Variants in ROBO1 observed in about 807,000 individuals in gnomAD.
ROBO1 encodes roundabout guidance receptor 1.
ROBO1 carries 149 observed loss-of-function variants against 195.9 expected under a neutral mutation model. That is an observed-to-expected ratio of 0.76 (90% confidence interval 0.67 to 0.87). ROBO1 has a LOEUF of 0.87. ROBO1 is among the 40% of genes least tolerant of loss of function. The probability of loss-of-function intolerance (pLI) is 0.00; values close to 1 mark genes in which losing one functional copy is unlikely to be tolerated. For missense variants in ROBO1, 1,933 were observed against 2,068.3 expected (o/e 0.93, Z 1.27); for synonymous variants, 816 against 733.2 (o/e 1.11, Z -1.82).
chr3:79,440,904 A>G (rs896763639), intron 2 of ROBO1, among the ~76,000 whole-genome samples: 18 of 152,082 alleles, frequency 1.2e-4, no homozygotes, highest in African/African-American at 4.1e-4. Context: ...TCTCTATTCT[A>G]TTTTCATAGA....
chr3:79,587,729 C>T (rs73849628), intron 2 of ROBO1, among the ~76,000 whole-genome samples: 3,727 of 151,666 alleles, frequency 0.025, 104 homozygotes, highest in African/African-American at 0.07. Flanking sequence ...AATGAACATA[C>T]TAAAGCTAGA....
chr3:79,564,738 G>T (rs1335637010), intron 2 of ROBO1, among the ~76,000 whole-genome samples: 1 of 151,912 alleles, frequency 6.6e-6, no homozygotes, highest in African/African-American at 2.4e-5. Flanking sequence ...AAAATATATT[G>T]TCAATGGCTT....
intron 3 of ROBO1, among the ~76,000 whole-genome samples, chr3:79,124,843 A>G (rs988018368): frequency 6.6e-6 from 1 of 152,212 alleles, no homozygotes; most frequent in African/African-American, 2.4e-5. Context: ...ATATATTTCC[A>G]GGGTGATCAT....
At chr3:78,943,191 G>A (rs1310133572) in intron 3 of ROBO1, among the ~76,000 whole-genome samples, 1 of 152,182 alleles carries the variant, frequency 6.6e-6, no homozygotes, top group Non-Finnish European at 1.5e-5. Context: ...ACTCCAGCCT[G>A]GGCGACAGAG....
At chr3:79,416,377 G>C (rs1375034899) in intron 2 of ROBO1, among the ~76,000 whole-genome samples, 1 of 151,416 alleles carries the variant, frequency 6.6e-6, no homozygotes, top group Non-Finnish European at 1.5e-5. Flanking sequence ...GCTGAGGCAA[G>C]AGGATAGCTT....
At chr3:78,942,973 G>A (rs189633024) in intron 3 of ROBO1, among the ~76,000 whole-genome samples, 26 of 151,940 alleles carry the variant, frequency 1.7e-4, no homozygotes, top group East Asian at 5.8e-4. Flanking sequence ...CCAGGACTTC[G>A]GGAGGCCAAG....
chr3:79,719,006 T>C (rs1488844464), intron 1 of ROBO1, among the ~76,000 whole-genome samples: 1 of 152,034 alleles, frequency 6.6e-6, no homozygotes, highest in East Asian at 1.9e-4. Flanking sequence ...GCAGCAAGCA[T>C]AAATAAGAAT....
intron 2 of ROBO1, among the ~76,000 whole-genome samples, chr3:79,575,446 T>C (rs1943449338): frequency 7.6e-6 from 1 of 132,024 alleles, no homozygotes; most frequent in African/African-American, 2.8e-5. Context: ...ATAACAAATA[T>C]ATATAAATAT....
intron 1 of ROBO1, among the ~76,000 whole-genome samples, chr3:79,682,656 TAC>T (rs1946984098): frequency 6.6e-6 from 1 of 152,000 alleles, no homozygotes; most frequent in African/African-American, 2.4e-5. Flanking sequence ...ACACACAAAC[TAC>T]ACACACTACA....
At chr3:79,689,218 C>T (rs369339096) in intron 1 of ROBO1, among the ~76,000 whole-genome samples, 1 of 152,000 alleles carries the variant, frequency 6.6e-6, no homozygotes, top group East Asian at 1.9e-4. Flanking sequence ...TAATTAACTA[C>T]TCACTTTTAA....
intron 27 of ROBO1, among the ~76,000 whole-genome samples, chr3:78,615,777 G>T (rs960927772): frequency 6.6e-6 from 1 of 152,174 alleles, no homozygotes; most frequent in African/African-American, 2.4e-5. Flanking sequence ...CACATTTAAA[G>T]ATGATAACTG....
chr3:79,224,582 G>A lies in ROBO1; in HGVS notation c.89-99043C>T, dbSNP rs561388446. Among the ~76,000 whole-genome samples, 4 of 152,278 alleles carry A rather than the reference G, an allele frequency of 2.6e-5. No homozygotes were observed. The East Asian group carries it at 7.7e-4, about 29-fold the overall frequency. On this transcript the variant is annotated intron_variant, in intron 2 of 30. Transcript: ENST00000464233. ...ACTTTACAATGCTCATAGTACCATT[G>A]ATTCATCCACATGTGTGCTGTGCCC...
Position 78,845,032 on chromosome 3 carries a change from C to T in ROBO1, c.499+93569G>A, listed in dbSNP as rs193245468. On this transcript the variant is annotated intron_variant, in intron 4 of 30. Coordinates refer to ENST00000464233, the MANE Select transcript of ROBO1 (RefSeq NM_002941.4). ...TGTAGATTGAAGAAAAAAATGTTCACAATTTGATTTGGTTAGAATTCCTCA... is the reference window on the plus strand; with the variant it reads ...TGTAGATTGAAGAAAAAAATGTTCATAATTTGATTTGGTTAGAATTCCTCA... 1.6e-4 allele frequency among the ~76,000 whole-genome samples: 24 copies of T among 152,204 alleles called. No individual in the cohort carries two copies. In the East Asian group the frequency reaches 3.7e-3, roughly 23 times the overall value.
At chr3:79,013,988 T>G (rs1258452140) in intron 3 of ROBO1, among the ~76,000 whole-genome samples, 8 of 152,206 alleles carry the variant, frequency 5.3e-5, no homozygotes, top group African/African-American at 1.4e-4. Flanking sequence ...GTCTTCTATA[T>G]ACATTGAGGC....
intron 2 of ROBO1, among the ~76,000 whole-genome samples, chr3:79,395,844 C>G (rs913762249): frequency 6.6e-6 from 1 of 151,882 alleles, no homozygotes; most frequent in Admixed American, 6.6e-5. Context: ...AATGGATACA[C>G]AGTTTTTTTC....
chr3:79,250,419 C>T (rs933304818), intron 2 of ROBO1, among the ~76,000 whole-genome samples: 1 of 152,098 alleles, frequency 6.6e-6, no homozygotes, highest in Admixed American at 6.6e-5. Flanking sequence ...TGACTGAGTA[C>T]CTGGTTGAAA....
intron 2 of ROBO1, among the ~76,000 whole-genome samples, chr3:79,311,564 G>A (rs2033483801): frequency 6.6e-6 from 1 of 152,090 alleles, no homozygotes; most frequent in Admixed American, 6.5e-5. Flanking sequence ...CAGGTAAGAA[G>A]ACATAGAGAT....
chr3:78,888,753 T>G (rs141757391), intron 4 of ROBO1, among the ~76,000 whole-genome samples: 1 of 152,158 alleles, frequency 6.6e-6, no homozygotes, highest in Admixed American at 6.5e-5. Context: ...AAATGAGTCC[T>G]GGCTCTGTTT....
intron 2 of ROBO1, among the ~76,000 whole-genome samples, chr3:79,562,984 T>A (rs2107716530): frequency 6.7e-6 from 1 of 149,196 alleles, no homozygotes; most frequent in Middle Eastern, 3.5e-3. Context: ...GTTATAAAAA[T>A]GTTTGAGATT....
Sources: allele counts gnomAD v4.1 joint callset (sites outside exome capture counted in the v4.1 genomes callset), GRCh38; gene constraint gnomAD v4.1.1; transcripts MANE v1.5; gene names NCBI Gene and HGNC (gene_info 2026-07-23, HGNC 2026-07-21).